The following CADM1 variants were observed in gnomAD, a reference collection of about 807,000 sequenced individuals.
CADM1 encodes cell adhesion molecule 1, also known as TSLC-1.
CADM1 carries 15 observed loss-of-function variants against 53.1 expected under a neutral mutation model. The ratio of observed to expected loss-of-function variants is 0.28; its 90% CI spans 0.19 to 0.44. CADM1 has a LOEUF of 0.44. Among genes scored for constraint, CADM1 ranks in the 20% least tolerant of loss-of-function variants. The probability of loss-of-function intolerance (pLI) is 1.00; values close to 1 mark genes in which losing one functional copy is unlikely to be tolerated. For synonymous variants in CADM1, 281 were observed against 243.0 expected, an observed-to-expected ratio of 1.16 and a Z score of -1.45; for missense variants, 434 against 611.3, an observed-to-expected ratio of 0.71 and a Z score of 3.06.
At chr11:115,316,206 A>G (rs1003590663) in intron 1 of CADM1, among the ~76,000 whole-genome samples, 1 of 152,168 alleles carries the variant, frequency 6.6e-6, no homozygotes, top group African/African-American at 2.4e-5. Context: ...ACTCACCCCT[A>G]CTATTTAGGG....
chr11:115,439,503 T>C (rs142053977), intron 1 of CADM1, among the ~76,000 whole-genome samples: 3 of 152,352 alleles, frequency 2.0e-5, no homozygotes, highest in South Asian at 2.1e-4. Context: ...CACTGAAGCA[T>C]TGCAAGTATT....
intron 10 of CADM1, 37 bp downstream of exon 10, chr11:115,190,851 G>C: frequency 6.5e-7 from 1 of 1,548,614 alleles, no homozygotes. Context: ...CCCACAGGTT[G>C]GACACTGCAG....
chr11:115,190,423 C>G (rs562732827), intron 10 of CADM1, among the ~76,000 whole-genome samples: 43 of 152,180 alleles, frequency 2.8e-4, no homozygotes, highest in Non-Finnish European at 5.0e-4. Context: ...CCCTTCCCCA[C>G]CCCTGACTTC....
chr11:115,214,458 G>T, intron 7 of CADM1, 150 bp downstream of exon 7: 1 of 719,340 alleles, frequency 1.4e-6, no homozygotes. Context: ...GGAGACACTA[G>T]GGTCCACCTC....
chr11:115,474,145 T>G (rs1013445056), intron 1 of CADM1, among the ~76,000 whole-genome samples: 26 of 151,096 alleles, frequency 1.7e-4, no homozygotes, highest in Non-Finnish European at 2.5e-4. Flanking sequence ...ATACAAAAAA[T>G]ACAGGCGTGG....
chr11:115,239,580 G>T (rs1422430080), intron 2 of CADM1, among the ~76,000 whole-genome samples: 1 of 152,100 alleles, frequency 6.6e-6, no homozygotes, highest in African/African-American at 2.4e-5. Context: ...CCTTTTAAAT[G>T]TTCCTTAGGT....
chr11:115,381,700 A>G (rs1160853998), intron 1 of CADM1, among the ~76,000 whole-genome samples: 1 of 152,200 alleles, frequency 6.6e-6, no homozygotes, highest in Non-Finnish European at 1.5e-5. Flanking sequence ...CACGAAGTAC[A>G]TTAATCTTAT....
intron 1 of CADM1, among the ~76,000 whole-genome samples, chr11:115,285,896 C>T (rs1943717358): frequency 1.3e-5 from 2 of 152,070 alleles, no homozygotes; most frequent in Non-Finnish European, 2.9e-5. Context: ...TCAATATCAG[C>T]TTTTACAGAG....
chr11:115,480,024 A>G (rs1949224692), intron 1 of CADM1, among the ~76,000 whole-genome samples: 1 of 152,214 alleles, frequency 6.6e-6, no homozygotes, highest in Non-Finnish European at 1.5e-5. Context: ...GTGTGAATAA[A>G]TCTACTTATC....
At chr11:115,442,670 G>GT in intron 1 of CADM1, among the ~76,000 whole-genome samples, 3 of 152,258 alleles carry the variant, frequency 2.0e-5, no homozygotes, top group Admixed American at 2.0e-4. Flanking sequence ...AACTGCTAGG[G>GT]TTTTTTGCTG....
chr11:115,428,959 G>T (rs571879334), intron 1 of CADM1, among the ~76,000 whole-genome samples: 1 of 152,114 alleles, frequency 6.6e-6, no homozygotes, highest in Admixed American at 6.5e-5. Context: ...GGCCCAGTAC[G>T]TGGCAAGCCC....
intron 1 of CADM1, among the ~76,000 whole-genome samples, chr11:115,281,090 C>T (rs1246485218): frequency 6.6e-6 from 1 of 152,180 alleles, no homozygotes; most frequent in Non-Finnish European, 1.5e-5. Flanking sequence ...AAAATCCACC[C>T]AACTACAAGA....
At chr11:115,242,749 C>T (rs1477524693) in intron 1 of CADM1, among the ~76,000 whole-genome samples, 1 of 152,176 alleles carries the variant, frequency 6.6e-6, no homozygotes, top group African/African-American at 2.4e-5. Context: ...ACAAAAGGTA[C>T]ATGTGGAAAG....
intron 5 of CADM1, among the ~76,000 whole-genome samples, chr11:115,222,647 A>G (rs2134804943): frequency 6.6e-6 from 1 of 152,226 alleles, no homozygotes; most frequent in Admixed American, 6.5e-5. Context: ...AACGATTGTG[A>G]GTGGGATGAG....
chr11:115,310,260 C>T (rs907822648), intron 1 of CADM1, among the ~76,000 whole-genome samples: 1 of 152,090 alleles, frequency 6.6e-6, no homozygotes, highest in African/African-American at 2.4e-5. Flanking sequence ...ATCATCATGA[C>T]AGTTTTTAAT....
chr11:115,290,183 G>C (rs1248767139), intron 1 of CADM1, among the ~76,000 whole-genome samples: 1 of 152,224 alleles, frequency 6.6e-6, no homozygotes, highest in African/African-American at 2.4e-5. Context: ...AGGCCTGGTG[G>C]TTCTGCCTGC....
intron 1 of CADM1, among the ~76,000 whole-genome samples, chr11:115,491,581 T>G (rs868088834): frequency 6.7e-5 from 10 of 149,428 alleles, no homozygotes; most frequent in Middle Eastern, 3.4e-3. Context: ...AAAAAGAAAA[T>G]AAAAAATGAA....
intron 1 of CADM1, among the ~76,000 whole-genome samples, chr11:115,420,245 AG>A (rs996773372): frequency 2.0e-5 from 3 of 152,200 alleles, no homozygotes; most frequent in Non-Finnish European, 4.4e-5. Context: ...GTGTCCACAC[AG>A]GAGATCACCA....
At chr11:115,320,391 C>T (rs1280699190) in intron 1 of CADM1, among the ~76,000 whole-genome samples, 1 of 152,066 alleles carries the variant, frequency 6.6e-6, no homozygotes, top group East Asian at 1.9e-4. Context: ...AGATGAAAAT[C>T]TAGTTCTATA....
Sources: allele counts gnomAD v4.1 joint callset (sites outside exome capture counted in the v4.1 genomes callset), GRCh38; gene constraint gnomAD v4.1.1; transcripts MANE v1.5; gene names NCBI Gene and HGNC (gene_info 2026-07-23, HGNC 2026-07-21).